The following PTPRZ1 variants were observed in gnomAD, a reference collection of about 807,000 sequenced individuals.
The protein encoded by PTPRZ1 is receptor-type tyrosine-protein phosphatase zeta.
PTPRZ1 carries 82 observed loss-of-function variants against 214.1 expected under a neutral mutation model. That is an observed-to-expected ratio of 0.38 (90% CI 0.32 to 0.46). The LOEUF (loss-of-function observed/expected upper bound fraction) is 0.46. Among genes scored for constraint, PTPRZ1 ranks in the 20% least tolerant of loss-of-function variants. PTPRZ1 has a pLI of 1.00. For missense variants in PTPRZ1, 2,603 were observed against 2,748.7 expected (o/e 0.95, Z 1.19); for synonymous variants, 945 against 987.9 (o/e 0.96, Z 0.81).
chr7:121,969,607 C>T (rs1321663010), intron 3 of PTPRZ1, among the ~76,000 whole-genome samples: 1 of 150,148 alleles, frequency 6.7e-6, no homozygotes, highest in Non-Finnish European at 1.5e-5. Flanking sequence ...GATTTTTCTA[C>T]ATCAGTGCCT....
intron 1 of PTPRZ1, among the ~76,000 whole-genome samples, chr7:121,884,914 T>C (rs1263997977): frequency 6.6e-6 from 1 of 152,230 alleles, no homozygotes; most frequent in Admixed American, 6.5e-5. Flanking sequence ...TGAACATGGA[T>C]GGACCATTTG....
At chr7:121,932,581 G>A (rs1237586295) in intron 2 of PTPRZ1, among the ~76,000 whole-genome samples, 9 of 152,034 alleles carry the variant, frequency 5.9e-5, no homozygotes, top group Non-Finnish European at 1.0e-4. Context: ...TGGCAATCAC[G>A]GAAGAAATGG....
intron 2 of PTPRZ1, among the ~76,000 whole-genome samples, chr7:121,967,278 A>G (rs897472141): frequency 1.3e-5 from 2 of 152,226 alleles, no homozygotes; most frequent in African/African-American, 4.8e-5. Context: ...TTGTTAAACA[A>G]TAAAATGTGC....
In PTPRZ1 at chr7:122,058,937, T is replaced by C. The variant is rs770447599; in HGVS notation, c.6666T>C (p.His2222=). The C allele has an allele frequency of 5.0e-6, 8 of 1,584,750 alleles. No individual in the cohort carries two copies. In the South Asian group the frequency reaches 5.6e-5, roughly 11 times the overall value. ...ATAGGGATGGGCCTATGATTGTTCA[T>C]GATGAGTAAGTTCCATGTGTTAGAT... is the stretch of plus-strand genomic sequence containing the variant. The part of the protein sequence containing the change: ...AANRDGPMIV[H]DEHGGVTAGT... Residue 2222 remains histidine, a synonymous_variant, in exon 28 of 30, where the codon CAT becomes CAC. Coordinates refer to ENST00000393386, the MANE Select transcript of PTPRZ1 (RefSeq NM_002851.3).
chr7:121,899,924 T>A (rs1277803580), intron 1 of PTPRZ1, among the ~76,000 whole-genome samples: 1 of 152,166 alleles, frequency 6.6e-6, no homozygotes, highest in Non-Finnish European at 1.5e-5. Context: ...GACCACTGTT[T>A]CCAGTGGCTA....
chr7:121,988,109 A>T (rs1196281738), intron 8 of PTPRZ1, among the ~76,000 whole-genome samples: 5 of 152,228 alleles, frequency 3.3e-5, no homozygotes, highest in Non-Finnish European at 5.9e-5. Context: ...AAACCTCAGC[A>T]TCTTTTAGTA....
At position 122,054,015 on chromosome 7, in the gene PTPRZ1, A is replaced by G. The variant is rs1792271458; in HGVS notation, c.6358A>G (p.Met2120Val). The change falls in exon 26 of 30, where the codon ATG becomes GTG. Residue 2120 changes from methionine to valine, a missense_variant. Met to Val is a conservative substitution (Grantham distance 21). Coordinates refer to ENST00000393386, the MANE Select transcript of PTPRZ1 (RefSeq NM_002851.3). Reference protein sequence around the residue: ...IWDHNAQLVVMIPDGQNMAED... With the variant: ...IWDHNAQLVVVIPDGQNMAED... ...GGACCATAATGCCCAACTGGTGGTT[A>G]TGATTCCTGATGGCCAAAACATGGT... 9 of 1,613,116 alleles carry G rather than the reference A, an allele frequency of 5.6e-6. No homozygotes were observed. The highest frequency in any genetic ancestry group is 1.7e-5 in the Admixed American group (1 of 59,998).
Position 122,034,129 on chromosome 7 carries a change from T to G in PTPRZ1, c.5187+14T>G. 1 of 1,591,814 alleles carries G rather than the reference T, an allele frequency of 6.3e-7. No homozygotes were observed. Among genetic ancestry groups the G allele is most frequent in the Non-Finnish European group, 8.6e-7 (1 of 1,160,456 alleles). Reference sequence around the variant, plus strand: ...GAGTTTTACCAGGTAAGGCATTATTTCACTGCATTTTCTTTTAGCCAAGAA... The same window carrying G: ...GAGTTTTACCAGGTAAGGCATTATTGCACTGCATTTTCTTTTAGCCAAGAA... On this transcript the variant is annotated intron_variant, in intron 16 of 29. Transcript: ENST00000393386.
chr7:121,935,344 G>A (rs1269307412), intron 2 of PTPRZ1, among the ~76,000 whole-genome samples: 1 of 152,094 alleles, frequency 6.6e-6, no homozygotes, highest in Non-Finnish European at 1.5e-5. Flanking sequence ...TCTAGTAGAA[G>A]CTTCAATGGG....
In PTPRZ1 at chr7:122,031,803, CT is replaced by C. The variant is rs200393457; in HGVS notation, c.5166+246del. ...AAACATAAAAAACATTGTTCATTTT[CT>C]TCCATAAAGTACAAATCTTTAATAT... On this transcript the variant is annotated intron_variant, in intron 15 of 29. Transcript: ENST00000393386. 212 of 241,302 alleles carry C rather than the reference CT, an allele frequency of 8.8e-4. 1 individual carries two copies. In the East Asian group the frequency reaches 0.015, roughly 17 times the overall value. 14.9% of individuals were successfully genotyped at this position (241,302 alleles called of 1,614,324 possible).
intron 12 of PTPRZ1, among the ~76,000 whole-genome samples, chr7:122,018,922 G>C (rs1043928391): frequency 6.6e-6 from 1 of 152,072 alleles, no homozygotes; most frequent in Non-Finnish European, 1.5e-5. Flanking sequence ...GGATGTTGTA[G>C]TTCTTCTTGT....
chr7:122,008,194 ATAT>A (rs1239469636), intron 11 of PTPRZ1, among the ~76,000 whole-genome samples: 3 of 152,160 alleles, frequency 2.0e-5, no homozygotes, highest in African/African-American at 7.2e-5. Context: ...AAGAAATGTA[ATAT>A]TATTGTGGAA....
intron 17 of PTPRZ1, among the ~76,000 whole-genome samples, chr7:122,034,913 A>G (rs1442370597): frequency 1.3e-5 from 2 of 151,830 alleles, no homozygotes; most frequent in African/African-American, 4.8e-5. Flanking sequence ...ATGAGCAGCT[A>G]TCTGGCTTTT....
At chr7:121,875,811 AAGTT>A (rs1265899831) in intron 1 of PTPRZ1, among the ~76,000 whole-genome samples, 1 of 152,190 alleles carries the variant, frequency 6.6e-6, no homozygotes, top group Non-Finnish European at 1.5e-5. Context: ...TCAAATGAAA[AAGTT>A]AGGCTCCATT....
intron 2 of PTPRZ1, among the ~76,000 whole-genome samples, chr7:121,946,214 T>C (rs1796369794): frequency 6.6e-6 from 1 of 152,214 alleles, no homozygotes; most frequent in Admixed American, 6.5e-5. Flanking sequence ...CCTAAGGAAC[T>C]GTTCAACTAT....
intron 11 of PTPRZ1, among the ~76,000 whole-genome samples, chr7:122,007,510 A>G (rs777337536): frequency 6.6e-6 from 1 of 152,172 alleles, no homozygotes; most frequent in Non-Finnish European, 1.5e-5. Flanking sequence ...TTCCTGGAGC[A>G]TGATTATGAG....
Position 121,873,413 on chromosome 7 carries a change from CAAAA to C in PTPRZ1, c.-82_-79del, listed in dbSNP as rs373553794. On this transcript the variant is annotated 5_prime_UTR_variant, in exon 1 of 30. Transcript: ENST00000393386. Reference sequence around the variant, plus strand: ...ACACTGGAGGATTAAAACAAACAAACAAAAAAAACATTTCCTTCGCTCCCCCTCC... The same window carrying C: ...ACACTGGAGGATTAAAACAAACAAACAAAACATTTCCTTCGCTCCCCCTCC... 7.2e-7 allele frequency: 1 copy of C among 1,382,614 alleles called. No individual in the cohort carries two copies. Among genetic ancestry groups the C allele is most frequent in the Non-Finnish European group, 1.0e-6 (1 of 999,604 alleles). The allele number at this position is 1,382,614 out of a possible 1,614,324, so 85.6% of individuals were successfully genotyped here. A position where few individuals can be genotyped will look rare whatever the true frequency, so the allele number is the denominator to read the frequency against.
At chr7:121,990,376 G>A (rs1797914928) in intron 8 of PTPRZ1, among the ~76,000 whole-genome samples, 1 of 151,962 alleles carries the variant, frequency 6.6e-6, no homozygotes, top group Non-Finnish European at 1.5e-5. Flanking sequence ...TATTTTATCT[G>A]TATTTCCATT....
chr7:121,879,978 G>T (rs1422679816), intron 1 of PTPRZ1, among the ~76,000 whole-genome samples: 1 of 152,112 alleles, frequency 6.6e-6, no homozygotes, highest in East Asian at 1.9e-4. Flanking sequence ...GCACCTTGAT[G>T]AAAAGTTTGA....
Sources: allele counts gnomAD v4.1 joint callset (sites outside exome capture counted in the v4.1 genomes callset), GRCh38; gene constraint gnomAD v4.1.1; transcripts MANE v1.5; gene names NCBI Gene and HGNC (gene_info 2026-07-23, HGNC 2026-07-21).